The following KIF5B variants were observed in gnomAD, a reference collection of about 807,000 sequenced individuals.
KIF5B encodes kinesin-1 heavy chain.
A neutral mutation model predicts 132.8 loss-of-function variants in KIF5B; 49 were observed. The ratio of observed to expected loss-of-function variants is 0.37; its 90% CI spans 0.29 to 0.47. The LOEUF (loss-of-function observed/expected upper bound fraction) is 0.47, where lower values mean the gene tolerates loss of function less well. Among genes scored for constraint, KIF5B ranks in the 20% least tolerant of loss-of-function variants. The pLI is 1.00. For synonymous variants in KIF5B, 355 were observed against 369.4 expected (o/e 0.96, Z 0.45); for missense variants, 780 against 1,144.0 (o/e 0.68, Z 4.59).
intron 1 of KIF5B, among the ~76,000 whole-genome samples, chr10:32,052,163 T>C (rs113479907): frequency 0.014 from 2,090 of 152,318 alleles, 47 homozygotes; most frequent in African/African-American, 0.048. Flanking sequence ...GACACCCTTC[T>C]GGCAGGGATA....
intron 2 of KIF5B, 28 bp from the exon 3 acceptor site, chr10:32,040,485 G>C: frequency 7.4e-7 from 1 of 1,359,164 alleles, no homozygotes; most frequent in Non-Finnish European, 1.1e-6. Context: ...ATAGTTCAGG[G>C]GATTTTTTCC....
chr10:32,055,305 T>C (rs1403321104), intron 1 of KIF5B, among the ~76,000 whole-genome samples: 2 of 152,216 alleles, frequency 1.3e-5, no homozygotes, highest in Non-Finnish European at 2.9e-5. Context: ...ATAGATAATA[T>C]TTGTACCTCT....
chr10:32,022,032 C>T (rs1841270694), intron 17 of KIF5B, 108 bp downstream of exon 17: 3 of 626,182 alleles, frequency 4.8e-6, no homozygotes, highest in South Asian at 2.3e-5. Context: ...GTTTACCATT[C>T]GAAATCAGCC....
At chr10:32,036,312 C>T (rs1841458857) in intron 8 of KIF5B, among the ~76,000 whole-genome samples, 2 of 152,194 alleles carry the variant, frequency 1.3e-5, no homozygotes, top group Admixed American at 1.3e-4. Context: ...TTGGCTAATG[C>T]ATAATGTTGA....
At chr10:32,012,408 A>G (rs1162159787) in intron 25 of KIF5B, among the ~76,000 whole-genome samples, 2 of 152,176 alleles carry the variant, frequency 1.3e-5, no homozygotes, top group Non-Finnish European at 2.9e-5. Flanking sequence ...CCCGGGAAGC[A>G]GAGGTTGCAG....
At chr10:32,013,355 C>CAA (rs1387151234) in intron 25 of KIF5B, among the ~76,000 whole-genome samples, 2 of 152,130 alleles carry the variant, frequency 1.3e-5, no homozygotes, top group Non-Finnish European at 2.9e-5. Context: ...ATAACTTTGT[C>CAA]AAAAATGTTT....
At chr10:32,016,080 G>T (rs1228616208) in intron 24 of KIF5B, among the ~76,000 whole-genome samples, 4 of 152,124 alleles carry the variant, frequency 2.6e-5, no homozygotes, top group Non-Finnish European at 5.9e-5. Context: ...GGAGGCTGGG[G>T]CTGCAGTGAG....
chr10:32,038,134 G>T (rs1336506685), intron 6 of KIF5B, 29 bp downstream of exon 6: 4 of 1,394,046 alleles, frequency 2.9e-6, no homozygotes, highest in African/African-American at 1.5e-5. Flanking sequence ...AGTATTACAG[G>T]GTTTTCTAGA....
chr10:32,024,276 TC>T lies in KIF5B; in HGVS notation c.1726-1241del, dbSNP rs1367908167. Among the ~76,000 whole-genome samples, 21 of 136,204 alleles carry T rather than the reference TC, an allele frequency of 1.5e-4. 1 individual carries two copies. The Admixed American group carries it at 1.6e-3, about 10-fold the overall frequency. The allele number at this position is 136,204 out of a possible 152,430, so 89.4% of individuals were successfully genotyped here. ...TTCACGCCATTCTCCTGCCTCAGCC[TC>T]CCAAGTAGCTGGGACTACAGGCGCC... On this transcript the variant is annotated intron_variant, in intron 15 of 25. Transcript: ENST00000302418.
At chr10:32,030,977 ATT>A (rs1462314043) in intron 14 of KIF5B, 94 bp downstream of exon 14, 1 of 833,554 alleles carries the variant, frequency 1.2e-6, no homozygotes, top group Non-Finnish European at 1.9e-6. Flanking sequence ...TGTTATCGAT[ATT>A]TGACTTACAT....
At chr10:32,053,616 G>A (rs1030351473) in intron 1 of KIF5B, among the ~76,000 whole-genome samples, 8 of 151,664 alleles carry the variant, frequency 5.3e-5, no homozygotes, top group Non-Finnish European at 8.8e-5. Flanking sequence ...CCCAGCTACT[G>A]GGGCGGCTGA....
In KIF5B at chr10:32,009,742, A is replaced by G. The variant is rs1841047365; in HGVS notation, c.*1795T>C. 6.6e-6 allele frequency: 1 copy of G among 152,210 alleles called. No homozygotes were observed. Among genetic ancestry groups the G allele is most frequent in the South Asian group, 2.1e-4 (1 of 4,832 alleles). 9.4% of individuals were successfully genotyped at this position (152,210 alleles called of 1,614,324 possible). On this transcript the variant is annotated 3_prime_UTR_variant, in exon 26 of 26. Transcript: ENST00000302418. The stretch of plus-strand genomic sequence containing the variant: ...AAACAAAACATAAAGGTCTATGTGG[A>G]TGCAGCCAAATGTTTCTCCATTTAG...
At chr10:32,011,896 A>G (rs779952598) in intron 25 of KIF5B, among the ~76,000 whole-genome samples, 4 of 152,134 alleles carry the variant, frequency 2.6e-5, no homozygotes, top group Admixed American at 1.3e-4. Context: ...AGGAACACTA[A>G]CCAGCAACTA....
chr10:32,039,430 C>A lies in KIF5B; in HGVS notation c.290G>T (p.Gly97Val). 1.4e-6 allele frequency: 2 copies of A among 1,421,854 alleles called. No individual in the cohort carries two copies. The highest frequency in any genetic ancestry group is 1.5e-5 in the African/African-American group (1 of 68,208). The allele number at this position is 1,421,854 out of a possible 1,614,324, so 88.1% of individuals were successfully genotyped here. A position where few individuals can be genotyped will look rare whatever the true frequency, so the allele number is the denominator to read the frequency against. ...CATGCCTTCTGGATCATGAAGTTTA[C>A]CCTAAACAAAAAACAAAACTAGACT... The part of the protein sequence containing the change: ...TSSGKTHTME[G>V]KLHDPEGMGI... The change falls in exon 4 of 26, where the codon GGT becomes GTT. Residue 97 changes from glycine (G) to valine (V), a missense_variant and splice_region_variant. Physicochemically the swap from Gly to Val is moderately radical, Grantham distance 109 (BLOSUM62 -3). Transcript: ENST00000302418.
intron 15 of KIF5B, among the ~76,000 whole-genome samples, chr10:32,024,008 A>G (rs1841298885): frequency 6.7e-6 from 1 of 149,258 alleles, no homozygotes; most frequent in South Asian, 2.1e-4. Context: ...GTTGGACCTC[A>G]TTAAAATTAA....
chr10:32,012,923 C>T lies in KIF5B; in HGVS notation c.*21-1407G>A, dbSNP rs796757228. Among the ~76,000 whole-genome samples the T allele has an allele frequency of 3.0e-3, 409 of 137,664 alleles. 3 individuals carry two copies. The highest frequency in any genetic ancestry group is 0.01 in the African/African-American group (384 of 36,644). The allele number at this position is 137,664 out of a possible 152,430, so 90.3% of individuals were successfully genotyped here. ...AATTTTTTTTTTTTTTTTTTTGAGA[C>T]GGAGTTTTGCTCTTGTTGCCCAGGC... On this transcript the variant is annotated intron_variant, in intron 25 of 25. Coordinates refer to ENST00000302418, the MANE Select transcript of KIF5B (RefSeq NM_004521.3).
chr10:32,043,828 G>C (rs1841575137), intron 2 of KIF5B, among the ~76,000 whole-genome samples: 1 of 152,128 alleles, frequency 6.6e-6, no homozygotes, highest in African/African-American at 2.4e-5. Flanking sequence ...CGGGGACCCA[G>C]AGAGTACTAT....
chr10:32,023,476 T>C (rs938983206), intron 15 of KIF5B, among the ~76,000 whole-genome samples: 3 of 152,164 alleles, frequency 2.0e-5, no homozygotes, highest in East Asian at 1.9e-4. Flanking sequence ...CCAGAAGGAA[T>C]TGTGGTCACT....
chr10:32,028,207 A>G (rs962459519), intron 15 of KIF5B, among the ~76,000 whole-genome samples: 1 of 150,350 alleles, frequency 6.7e-6, no homozygotes, highest in Non-Finnish European at 1.5e-5. Flanking sequence ...AGAATCAAAC[A>G]TGAGGTCCAA....
Sources: gnomAD v4.1 joint callset for allele counts (sites outside exome capture counted in the v4.1 genomes callset) on GRCh38, gnomAD v4.1.1 for gene constraint, MANE v1.5 for transcripts, NCBI Gene and HGNC (gene_info 2026-07-23, HGNC 2026-07-21) for gene names.